VWA3A: variants seen among roughly 807,000 people sequenced by gnomAD.
The protein encoded by VWA3A is von Willebrand factor A domain-containing protein 3A.
A neutral mutation model predicts 160.4 loss-of-function variants in VWA3A; 134 were observed. That is an observed-to-expected ratio of 0.84 (90% CI 0.73 to 0.96). The LOEUF (loss-of-function observed/expected upper bound fraction) is 0.96. VWA3A is among the 40% of genes least tolerant of loss of function. The probability of loss-of-function intolerance (pLI) is 0.00; values close to 1 mark genes in which losing one functional copy is unlikely to be tolerated. For synonymous variants in VWA3A, 476 were observed against 543.4 expected, an observed-to-expected ratio of 0.88 and a Z score of 1.72; for missense variants, 1,310 against 1,447.9, an observed-to-expected ratio of 0.90 and a Z score of 1.55.
chr16:22,129,043 A>G (rs923075825), intron 17 of VWA3A, among the ~76,000 whole-genome samples: 1 of 152,130 alleles, frequency 6.6e-6, no homozygotes, highest in Non-Finnish European at 1.5e-5. Context: ...GTTTACCTAT[A>G]TAACAAACCT....
At chr16:22,124,243 T>C (rs2045801462) in intron 16 of VWA3A, among the ~76,000 whole-genome samples, 1 of 138,458 alleles carries the variant, frequency 7.2e-6, no homozygotes, top group South Asian at 2.4e-4. Flanking sequence ...AGCAAATGGG[T>C]CATGGATGAA....
chr16:22,104,041 A>G (rs1334599618), intron 6 of VWA3A, among the ~76,000 whole-genome samples: 2 of 152,200 alleles, frequency 1.3e-5, no homozygotes, highest in Admixed American at 1.3e-4. Flanking sequence ...AGAGAGACAG[A>G]TGGTTGCATG....
Position 22,141,611 on chromosome 16 carries a change from A to T in VWA3A, c.2413A>T (p.Met805Leu). ...GGCCCAGCCAACGAAAGAAGGGATG[A>T]TGGAACTGAGGAGGAAGACCAAGTC... ...AAAQPTKEGM[M>L]ELRRKTKSRE... The change falls in exon 24 of 34, where the codon ATG (methionine) becomes TTG (leucine). Residue 805 changes from methionine (M) to leucine (L), a missense_variant. Transcript: ENST00000389398. The T allele has an allele frequency of 6.2e-7, 1 of 1,612,316 alleles. No homozygotes were observed. Among genetic ancestry groups the T allele is most frequent in the Non-Finnish European group, 8.5e-7 (1 of 1,179,264 alleles).
chr16:22,109,658 C>T (rs2045527014), intron 7 of VWA3A, 78 bp downstream of exon 7: 1 of 1,271,494 alleles, frequency 7.9e-7, no homozygotes, highest in African/African-American at 1.5e-5. Context: ...TGCTGACGAG[C>T]TTGTTTATAG....
Position 22,156,101 on chromosome 16 carries a change from T to G in VWA3A, c.*84T>G, listed in dbSNP as rs1285070287. ...CCGAGGGCAGGATGGGATGAAATGC[T>G]GTGACCTGCAGGAAACATGATTCCT... On this transcript the variant is annotated 3_prime_UTR_variant, in exon 34 of 34. Coordinates refer to ENST00000389398, the MANE Select transcript of VWA3A (RefSeq NM_173615.5). 7.9e-6 allele frequency: 5 copies of G among 632,804 alleles called. No individual in the cohort carries two copies. The highest frequency in any genetic ancestry group is 1.4e-5 in the Non-Finnish European group (5 of 365,966). 39.2% of individuals were successfully genotyped at this position (632,804 alleles called of 1,614,324 possible). A position where few individuals can be genotyped will look rare whatever the true frequency, so the allele number is the denominator to read the frequency against.
intron 22 of VWA3A, among the ~76,000 whole-genome samples, chr16:22,139,712 A>G (rs921125053): frequency 2.0e-5 from 3 of 151,958 alleles, no homozygotes; most frequent in Non-Finnish European, 1.5e-5. Context: ...AAAACAAACA[A>G]ACAAAAAAAA....
At chr16:22,109,280 G>A (rs2045521439) in intron 6 of VWA3A, among the ~76,000 whole-genome samples, 1 of 152,162 alleles carries the variant, frequency 6.6e-6, no homozygotes, top group Admixed American at 6.5e-5. Flanking sequence ...AGAAGAGGCT[G>A]CCACAAAATA....
chr16:22,107,849 G>A (rs968573305), intron 6 of VWA3A, among the ~76,000 whole-genome samples: 2 of 152,114 alleles, frequency 1.3e-5, no homozygotes, highest in African/African-American at 4.8e-5. Flanking sequence ...AAGTTCCTAG[G>A]GCACGCCAGT....
intron 8 of VWA3A, among the ~76,000 whole-genome samples, chr16:22,114,702 C>G (rs2045605089): frequency 6.6e-6 from 1 of 152,170 alleles, no homozygotes; most frequent in Admixed American, 6.5e-5. Flanking sequence ...GGGGCTCACA[C>G]CTGTAATCCC....
chr16:22,137,496 G>C (rs1287654491), intron 21 of VWA3A, among the ~76,000 whole-genome samples: 1 of 152,186 alleles, frequency 6.6e-6, no homozygotes, highest in Non-Finnish European at 1.5e-5. Context: ...TCTTAGATGA[G>C]AACCTTAAGC....
rs1463996101 is a variant in VWA3A at position 22,156,180 on chromosome 16, G to A, written c.*163G>A. The A allele has an allele frequency of 4.0e-6, 2 of 494,230 alleles. No homozygotes were observed. Among genetic ancestry groups the A allele is most frequent in the Non-Finnish European group, 7.2e-6 (2 of 277,262 alleles). 30.6% of individuals were successfully genotyped at this position (494,230 alleles called of 1,614,324 possible). ...AGGAAAGACTTTGTCTTTTGTGTGAGGGGCCATTCCCGGGTCTTAATCTAA... is the reference window on the plus strand; with the variant it reads ...AGGAAAGACTTTGTCTTTTGTGTGAAGGGCCATTCCCGGGTCTTAATCTAA... On this transcript the variant is annotated 3_prime_UTR_variant, in exon 34 of 34. Coordinates refer to ENST00000389398, the MANE Select transcript of VWA3A (RefSeq NM_173615.5).
chr16:22,131,982 G>A (rs1207377207), intron 19 of VWA3A, among the ~76,000 whole-genome samples: 3 of 152,150 alleles, frequency 2.0e-5, no homozygotes, highest in Non-Finnish European at 2.9e-5. Context: ...TGTACTCCCA[G>A]CTACTCAGGA....
In VWA3A at chr16:22,141,656, C is replaced by A. The variant is rs748371657; in HGVS notation, c.2458C>A (p.Leu820Ile). ...CAAGTCAAGGGAAGCAGAGACATCT[C>A]TTTTACTGTTCTACACAGAGAAAGG... ...KTKSREAETS[L>I]LLFYTEKGND... is the part of the protein sequence containing the mutation. Residue 820 changes from leucine to isoleucine, a missense_variant, in exon 24 of 34, where the codon CTT becomes ATT. By Grantham distance (5) the Leu-to-Ile change is conservative. Transcript: ENST00000389398. 5.0e-6 allele frequency: 8 copies of A among 1,611,702 alleles called. No individual in the cohort carries two copies. The South Asian group carries it at 7.7e-5, about 16-fold the overall frequency.
chr16:22,109,413 C>A, intron 6 of VWA3A, 69 bp from the exon 7 acceptor site: 1 of 1,310,600 alleles, frequency 7.6e-7, no homozygotes, highest in Non-Finnish European at 1.1e-6. Flanking sequence ...CTGCGTGGCA[C>A]AGAGCAGCTC....
At chr16:22,113,947 G>T (rs1374503732) in intron 8 of VWA3A, among the ~76,000 whole-genome samples, 2 of 151,458 alleles carry the variant, frequency 1.3e-5, no homozygotes, top group African/African-American at 4.9e-5. Context: ...CATATCACTT[G>T]CATGATTATA....
intron 18 of VWA3A, among the ~76,000 whole-genome samples, 151 bp downstream of exon 18, chr16:22,131,430 G>A (rs1484462793): frequency 1.3e-5 from 2 of 152,142 alleles, no homozygotes; most frequent in Non-Finnish European, 2.9e-5. Context: ...GCTTCCTTCT[G>A]TCTGCTGCTC....
At chr16:22,096,141 C>A (rs951769743) in intron 1 of VWA3A, among the ~76,000 whole-genome samples, 1 of 152,070 alleles carries the variant, frequency 6.6e-6, no homozygotes, top group Non-Finnish European at 1.5e-5. Context: ...TGCTAAACAT[C>A]CTGCAATGCA....
rs118054488 is a variant in VWA3A at position 22,154,168 on chromosome 16, G to A, written c.3406-1399G>A. Among the ~76,000 whole-genome samples, 989 of 152,054 alleles carry A rather than the reference G, an allele frequency of 6.5e-3. 11 individuals are homozygous for A. Among genetic ancestry groups the A allele is most frequent in the Non-Finnish European group, 9.3e-3 (633 of 67,984 alleles). ...AAAAGTAATGAATATTCACCCAAGC[G>A]TCCTTATTACACAGGAAAACAAGTG... On this transcript the variant is annotated intron_variant, in intron 31 of 33. Transcript: ENST00000389398.
intron 6 of VWA3A, among the ~76,000 whole-genome samples, chr16:22,104,356 G>A (rs748886150): frequency 2.3e-4 from 35 of 152,192 alleles, no homozygotes; most frequent in Admixed American, 8.5e-4. Context: ...GGGCGTGGTC[G>A]TGCAAGCCTG....
Sources: gnomAD v4.1 joint callset for allele counts (sites outside exome capture counted in the v4.1 genomes callset) on GRCh38, gnomAD v4.1.1 for gene constraint, MANE v1.5 for transcripts, NCBI Gene and HGNC (gene_info 2026-07-23, HGNC 2026-07-21) for gene names.